Variants in IL12RB2 observed in about 807,000 individuals in gnomAD.
The protein encoded by IL12RB2 is interleukin 12 receptor subunit beta 2, also known as interleukin-12 receptor subunit beta-2.
IL12RB2 carries 82 observed loss-of-function variants against 89.4 expected under a neutral mutation model. That is an observed-to-expected ratio of 0.92 (90% CI 0.77 to 1.10). The LOEUF is 1.10. Ranked by LOEUF, IL12RB2 falls within the 50% of genes least tolerant of loss-of-function variation. The pLI, the probability that IL12RB2 is intolerant of heterozygous loss-of-function variation, is 0.00. For missense variants in IL12RB2, 963 were observed against 1,031.9 expected (o/e 0.93, Z 0.92); for synonymous variants, 368 against 370.1 (o/e 0.99, Z 0.07).
At chr1:67,368,540 G>T (rs1341220527) in intron 11 of IL12RB2, among the ~76,000 whole-genome samples, 4 of 152,198 alleles carry the variant, frequency 2.6e-5, no homozygotes, top group Non-Finnish European at 5.9e-5. Context: ...TTATCTATAA[G>T]ACAATTGGTA....
chr1:67,330,893 A>G, intron 8 of IL12RB2, 83 bp downstream of exon 8: 1 of 831,846 alleles, frequency 1.2e-6, no homozygotes, highest in Non-Finnish European at 2.1e-6. Context: ...CTTGGAATAG[A>G]ATCTTTAAAC....
chr1:67,311,285 T>G (rs1245862874), intron 1 of IL12RB2, among the ~76,000 whole-genome samples: 3 of 152,210 alleles, frequency 2.0e-5, no homozygotes, highest in Admixed American at 2.0e-4. Context: ...TGAGGCATGC[T>G]GAGAATAAAT....
chr1:67,346,288 T>A (rs1299960236), intron 9 of IL12RB2, among the ~76,000 whole-genome samples: 2 of 152,066 alleles, frequency 1.3e-5, no homozygotes, highest in Non-Finnish European at 2.9e-5. Context: ...AGGCAAACAT[T>A]GTGCATGACA....
intron 2 of IL12RB2, among the ~76,000 whole-genome samples, chr1:67,315,850 C>A (rs559209789): frequency 2.0e-5 from 3 of 152,168 alleles, no homozygotes. Flanking sequence ...GGAGTTTCAC[C>A]TTCTGATTTT....
intron 2 of IL12RB2, among the ~76,000 whole-genome samples, chr1:67,314,310 T>C (rs1655474309): frequency 6.6e-6 from 1 of 152,202 alleles, no homozygotes; most frequent in South Asian, 2.1e-4. Context: ...CTGAAAATCA[T>C]ATGTGATTTA....
At chr1:67,384,440 TG>T (rs1664928363) in intron 14 of IL12RB2, among the ~76,000 whole-genome samples, 1 of 152,198 alleles carries the variant, frequency 6.6e-6, no homozygotes. Flanking sequence ...GACCCAGCCC[TG>T]AAAACCATTT....
intron 10 of IL12RB2, among the ~76,000 whole-genome samples, chr1:67,360,165 G>A (rs1040378047): frequency 3.3e-5 from 5 of 152,278 alleles, no homozygotes; most frequent in Middle Eastern, 6.8e-3. Flanking sequence ...ACTTTGGGAG[G>A]CTGAGGCAGG....
chr1:67,315,790 G>T (rs1023427731), intron 2 of IL12RB2, among the ~76,000 whole-genome samples: 5 of 152,180 alleles, frequency 3.3e-5, no homozygotes, highest in African/African-American at 1.2e-4. Flanking sequence ...TCTCATCCTT[G>T]AAGATAAAGA....
At position 67,325,312 on chromosome 1, in the gene IL12RB2, G is replaced by A. The variant is rs1168768697; in HGVS notation, c.365-1423G>A. On this transcript the variant is annotated intron_variant, in intron 4 of 16. Coordinates refer to ENST00000674203, the MANE Select transcript of IL12RB2 (RefSeq NM_001374259.2). ...AAGTCTCACTCTGTCACCCAGGCTG[G>A]AGTGCACTGGCACAATCTCAGCTCG... 4.6e-5 allele frequency among the ~76,000 whole-genome samples: 7 copies of A among 152,198 alleles called. 1 individual carries two copies. Among genetic ancestry groups the A allele is most frequent in the Non-Finnish European group, 7.3e-5 (5 of 68,038 alleles).
At chr1:67,323,253 T>C (rs1656821773) in intron 4 of IL12RB2, among the ~76,000 whole-genome samples, 1 of 152,198 alleles carries the variant, frequency 6.6e-6, no homozygotes, top group Non-Finnish European at 1.5e-5. Context: ...AGGTATAAAC[T>C]AGGCCAAGTA....
At chr1:67,324,363 C>T (rs915616187) in intron 4 of IL12RB2, among the ~76,000 whole-genome samples, 3 of 152,054 alleles carry the variant, frequency 2.0e-5, no homozygotes, top group Non-Finnish European at 4.4e-5. Context: ...GCTGGGATTA[C>T]AGGCATGCAC....
intron 8 of IL12RB2, among the ~76,000 whole-genome samples, chr1:67,335,910 T>A (rs926595366): frequency 2.6e-5 from 4 of 152,242 alleles, no homozygotes; most frequent in Admixed American, 2.0e-4. Context: ...GCAATTTACC[T>A]TGTGAAAAGA....
intron 4 of IL12RB2, among the ~76,000 whole-genome samples, 162 bp from the exon 5 acceptor site, chr1:67,326,573 C>G (rs1042859274): frequency 2.0e-5 from 3 of 152,164 alleles, no homozygotes; most frequent in African/African-American, 7.2e-5. Flanking sequence ...GAAATTTACA[C>G]CTTAATGGCA....
In IL12RB2 at chr1:67,330,663, A is replaced by T. The variant is rs78198420; in HGVS notation, c.811A>T (p.Asn271Tyr). ...PSNSRLWNMV[N>Y]VTKAKGRHDL... ...TTAAAAAAATGTCTGTTTCAAGGTT[A>T]ATGTTACAAAGGCCAAAGGAAGACA... is the stretch of plus-strand genomic sequence containing the variant. Residue 271 changes from asparagine to tyrosine, a missense_variant, in exon 8 of 17, where the codon AAT becomes TAT. Transcript: ENST00000674203. The T allele has an allele frequency of 3.0e-4, 448 of 1,495,950 alleles. 1 individual carries two copies. The East Asian group carries it at 9.8e-3, about 33-fold the overall frequency. 92.7% of individuals were successfully genotyped at this position (1,495,950 alleles called of 1,614,324 possible). A position where few individuals can be genotyped will look rare whatever the true frequency, so the allele number is the denominator to read the frequency against.
chr1:67,316,472 G>A (rs188741376), intron 2 of IL12RB2, among the ~76,000 whole-genome samples: 88 of 145,028 alleles, frequency 6.1e-4, no homozygotes, highest in African/African-American at 2.0e-3. Flanking sequence ...CTCGTAGCTC[G>A]TTACACCCTC....
At position 67,367,984 on chromosome 1, in the gene IL12RB2, G is replaced by A; in HGVS notation, c.1418G>A (p.Trp473Ter). The part of the protein sequence containing the change: ...PGGDTQVPLN[W>*]LRSRPYNVSA... ...GGTGACACACAGGTCCCTCTAAACT[G>A]GCTACGGAGTCGACCCTACAATGTG... Residue 473 changes from tryptophan to a stop codon, truncating the protein, a stop_gained, in exon 11 of 17, where the codon TGG (tryptophan) becomes TAG (stop). Transcript: ENST00000674203. LOFTEE classifies it high-confidence loss of function. 6.2e-7 allele frequency: 1 copy of A among 1,611,182 alleles called. No individual in the cohort carries two copies. The highest frequency in any genetic ancestry group is 8.5e-7 in the Non-Finnish European group (1 of 1,177,404).
At chr1:67,389,976 C>T (rs1665625422) in intron 15 of IL12RB2, 53 bp from the exon 16 acceptor site, 2 of 866,770 alleles carry the variant, frequency 2.3e-6, no homozygotes, top group Admixed American at 1.7e-5. Context: ...ACCTGTGCTT[C>T]CATGCCACTG....
intron 9 of IL12RB2, among the ~76,000 whole-genome samples, chr1:67,342,842 C>A (rs1241155233): frequency 2.3e-5 from 3 of 131,096 alleles, no homozygotes; most frequent in African/African-American, 7.8e-5. Context: ...TCACTGCAGC[C>A]TTCACCTCCT....
In IL12RB2 at chr1:67,343,644, C is replaced by T. The variant is rs1194269443; in HGVS notation, c.1038+4941C>T. The stretch of plus-strand genomic sequence containing the variant: ...TTGTATTCTTTCCTTAATTAAGTAT[C>T]TCAATCCATGATTCCAATATACTTC... On this transcript the variant is annotated intron_variant, in intron 9 of 16. Transcript: ENST00000674203. Among the ~76,000 whole-genome samples the T allele has an allele frequency of 2.0e-5, 3 of 152,200 alleles. No individual in the cohort carries two copies. The East Asian group carries it at 5.8e-4, about 29-fold the overall frequency.
Sources: allele counts gnomAD v4.1 joint callset (sites outside exome capture counted in the v4.1 genomes callset), GRCh38; gene constraint gnomAD v4.1.1; transcripts MANE v1.5; gene names NCBI Gene and HGNC (gene_info 2026-07-23, HGNC 2026-07-21).